RYR2: variants seen among roughly 807,000 people sequenced by gnomAD.
RYR2 encodes the protein ryanodine receptor 2.
A neutral mutation model predicts 601.1 loss-of-function variants in RYR2; 227 were observed. The ratio of observed to expected loss-of-function variants is 0.38; its 90% CI spans 0.34 to 0.42. The LOEUF (loss-of-function observed/expected upper bound fraction) is 0.42, where lower values mean the gene tolerates loss of function less well. RYR2 is among the 10% of genes least tolerant of loss of function. The probability of loss-of-function intolerance (pLI) is 1.00; values close to 1 mark genes in which losing one functional copy is unlikely to be tolerated. For missense variants in RYR2, 4,646 were observed against 6,156.5 expected (o/e 0.75, Z 8.21); for synonymous variants, 2,223 against 2,175.1 (o/e 1.02, Z -0.61).
intron 92 of RYR2, among the ~76,000 whole-genome samples, chr1:237,789,034 G>A (rs1234708606): frequency 1.3e-5 from 2 of 151,024 alleles, no homozygotes; most frequent in African/African-American, 4.9e-5. Context: ...ATAATTATAT[G>A]TGTGTATATA....
At chr1:237,711,625 A>G (rs1437698480) in intron 70 of RYR2, 120 bp from the exon 71 acceptor site, 2 of 639,206 alleles carry the variant, frequency 3.1e-6, no homozygotes, top group Non-Finnish European at 2.8e-6. Context: ...TCCTTTTTTG[A>G]TAATTCTTAT....
At chr1:237,651,602 G>C in intron 51 of RYR2, 101 bp downstream of exon 51, 1 of 726,498 alleles carries the variant, frequency 1.4e-6, no homozygotes, top group African/African-American at 1.8e-5. Flanking sequence ...GCTTGACGCT[G>C]GGAAATTTCT....
chr1:237,335,124 T>C (rs917276900), intron 3 of RYR2, among the ~76,000 whole-genome samples: 1 of 152,158 alleles, frequency 6.6e-6, no homozygotes, highest in East Asian at 1.9e-4. Context: ...ACCCCAGTAT[T>C]CTCATCAATC....
intron 11 of RYR2, 47 bp downstream of exon 11, chr1:237,417,170 T>C (rs1333953625): frequency 3.5e-6 from 5 of 1,424,262 alleles, no homozygotes; most frequent in Admixed American, 1.7e-5. Context: ...GTGTACCAAA[T>C]AGCTCAGCGT....
chr1:237,599,271 C>T (rs1203394823), intron 34 of RYR2, among the ~76,000 whole-genome samples: 1 of 151,986 alleles, frequency 6.6e-6, no homozygotes, highest in East Asian at 1.9e-4. Context: ...AAGTGCTAGC[C>T]AGAGAATTTG....
intron 1 of RYR2, among the ~76,000 whole-genome samples, chr1:237,215,819 T>G (rs1388681474): frequency 6.6e-6 from 1 of 152,228 alleles, no homozygotes; most frequent in Non-Finnish European, 1.5e-5. Flanking sequence ...AAGTTTCACA[T>G]TTTAATGGAT....
Position 237,660,830 on chromosome 1 carries a change from G to T in RYR2, c.8319G>T (p.Trp2773Cys). The stretch of plus-strand genomic sequence containing the variant: ...TCTAGGAAAAAGAAATTTATCGCTG[G>T]CCAATCAAAGAATCTTTAAAAACTA... ...LSEKEKEIYR[W>C]PIKESLKTML... The change falls in exon 56 of 105, where the codon TGG becomes TGT. Residue 2773 changes from tryptophan (W) to cysteine (C), a missense_variant. Around this residue, in one of 17 missense-constraint regions of RYR2, gnomAD observed 1,497 missense variants for 1,842.6 expected, o/e 0.81. Transcript: ENST00000366574. 6.5e-7 allele frequency: 1 copy of T among 1,543,378 alleles called. No individual in the cohort carries two copies. Among genetic ancestry groups the T allele is most frequent in the Non-Finnish European group, 8.8e-7 (1 of 1,142,116 alleles).
At position 237,711,740 on chromosome 1, in the gene RYR2, C is replaced by T. The variant is rs186326951; in HGVS notation, c.10231-5C>T. On this transcript the variant is annotated splice_polypyrimidine_tract_variant and splice_region_variant and intron_variant, in intron 70 of 104. Transcript: ENST00000366574. ...TTAACTGAAATTTCCTTTGCAACTT[C>T]TCAGAATTTCAAAAGAGAAGAGCAG... 3.3e-4 allele frequency: 512 copies of T among 1,533,892 alleles called. 3 individuals are homozygous for T. In the Middle Eastern group the frequency reaches 3.7e-3, roughly 11 times the overall value.
chr1:237,364,480 G>A (rs1700040786), intron 5 of RYR2, 108 bp downstream of exon 5: 3 of 488,784 alleles, frequency 6.1e-6, no homozygotes, highest in Non-Finnish European at 3.5e-6. Flanking sequence ...TTATATATAT[G>A]ACAGATATAT....
intron 2 of RYR2, among the ~76,000 whole-genome samples, chr1:237,276,726 A>G (rs1690325690): frequency 6.6e-6 from 1 of 152,208 alleles, no homozygotes; most frequent in Non-Finnish European, 1.5e-5. Flanking sequence ...GAACTTTAAA[A>G]TCTTCATGAA....
chr1:237,167,444 T>C (rs1207517358), intron 1 of RYR2, among the ~76,000 whole-genome samples: 1 of 152,168 alleles, frequency 6.6e-6, no homozygotes, highest in African/African-American at 2.4e-5. Flanking sequence ...TTTTGCTGAG[T>C]AGTATCTCTG....
intron 101 of RYR2, among the ~76,000 whole-genome samples, chr1:237,826,405 T>C (rs1467358417): frequency 1.3e-5 from 2 of 152,072 alleles, no homozygotes; most frequent in Admixed American, 6.6e-5. Context: ...CTCAGCAAAC[T>C]AACACAAGAA....
chr1:237,754,862 T>G (rs1464096370), intron 80 of RYR2, among the ~76,000 whole-genome samples: 1 of 152,214 alleles, frequency 6.6e-6, no homozygotes, highest in East Asian at 1.9e-4. Context: ...TGTTTTTGAC[T>G]TCACAGGAAG....
At chr1:237,687,625 C>A (rs1454164565) in intron 63 of RYR2, 121 bp downstream of exon 63, 5 of 755,572 alleles carry the variant, frequency 6.6e-6, no homozygotes, top group Non-Finnish European at 1.2e-5. Flanking sequence ...CATGCATGGT[C>A]GTTGCAGGCC....
chr1:237,391,376 G>T (rs535117093), intron 10 of RYR2, among the ~76,000 whole-genome samples: 33 of 152,160 alleles, frequency 2.2e-4, no homozygotes, highest in Admixed American at 1.6e-3. Context: ...AAGGTCCTGG[G>T]AAATATGTAA....
chr1:237,528,240 TTCTG>T lies in RYR2; in HGVS notation c.2823-2181_2823-2178del, dbSNP rs544787256. On this transcript the variant is annotated intron_variant, in intron 24 of 104. Transcript: ENST00000366574. ...CTAAGATCTATAAAAACAACAATTC[TTCTG>T]TCTGTGAAATTGTGAGCAGTATGTT... Among the ~76,000 whole-genome samples, 184 of 152,342 alleles carry T rather than the reference TTCTG, an allele frequency of 1.2e-3. 2 individuals carry two copies. The highest frequency in any genetic ancestry group is 4.2e-3 in the African/African-American group (174 of 41,574).
At chr1:237,579,448 G>A (rs933573661) in intron 29 of RYR2, among the ~76,000 whole-genome samples, 4 of 151,684 alleles carry the variant, frequency 2.6e-5, no homozygotes, top group Non-Finnish European at 5.9e-5. Context: ...TACAGACAGG[G>A]TTTCACCATT....
chr1:237,127,066 A>G (rs1157778236), intron 1 of RYR2, among the ~76,000 whole-genome samples: 1 of 151,810 alleles, frequency 6.6e-6, no homozygotes, highest in Non-Finnish European at 1.5e-5. Context: ...CCCTGAGTGG[A>G]CACAGCACAT....
At chr1:237,254,488 A>G (rs886834232) in intron 1 of RYR2, among the ~76,000 whole-genome samples, 2 of 152,198 alleles carry the variant, frequency 1.3e-5, no homozygotes, top group African/African-American at 2.4e-5. Flanking sequence ...CTTACTTAAC[A>G]TGGAATAATC....
Sources: gnomAD v4.1 joint callset for allele counts (sites outside exome capture counted in the v4.1 genomes callset) on GRCh38, gnomAD v4.1.1 for gene constraint, gnomAD v4.1.1 regional missense constraint, MANE v1.5 for transcripts, NCBI Gene and HGNC (gene_info 2026-07-23, HGNC 2026-07-21) for gene names.